The following VMP1 variants were observed in gnomAD, a reference collection of about 807,000 sequenced individuals.
VMP1 encodes the protein ectopic P-granules autophagy protein 3 homolog.
VMP1 carries 11 observed loss-of-function variants against 56.0 expected under a neutral mutation model. The ratio of observed to expected loss-of-function variants is 0.20; its 90% CI spans 0.12 to 0.32. VMP1 has a LOEUF of 0.32. Among genes scored for constraint, VMP1 ranks in the 10% least tolerant of loss-of-function variants. The pLI, the probability that VMP1 is intolerant of heterozygous loss-of-function variation, is 1.00. For missense variants in VMP1, 296 were observed against 490.3 expected (o/e 0.60, Z 3.74); for synonymous variants, 149 against 165.0 (o/e 0.90, Z 0.74).
chr17:59,801,663 G>A (rs1159587169), intron 7 of VMP1, among the ~76,000 whole-genome samples: 1 of 152,124 alleles, frequency 6.6e-6, no homozygotes, highest in African/African-American at 2.4e-5. Flanking sequence ...AGGAGGCCGA[G>A]GCAGCCGGAT....
At chr17:59,733,132 G>A (rs2034895518) in intron 2 of VMP1, among the ~76,000 whole-genome samples, 1 of 152,050 alleles carries the variant, frequency 6.6e-6, no homozygotes, top group Admixed American at 6.6e-5. Flanking sequence ...GCTGCAGTGA[G>A]CTGCGATCAC....
chr17:59,796,535 G>A (rs2037443844), intron 7 of VMP1, among the ~76,000 whole-genome samples: 1 of 152,104 alleles, frequency 6.6e-6, no homozygotes, highest in Admixed American at 6.6e-5. Context: ...TCTGATTTCT[G>A]AAAAAGGTTT....
rs1179269248 is a variant in VMP1, at chr17:59,772,950, C to CTTTTTTTTTTTTTTTTTTTTT, written c.583-794_583-774dup. 9.0e-4 allele frequency among the ~76,000 whole-genome samples: 50 copies of CTTTTTTTTTTTTTTTTTTTTT among 55,718 alleles called. 12 individuals are homozygous for CTTTTTTTTTTTTTTTTTTTTT. Among genetic ancestry groups the CTTTTTTTTTTTTTTTTTTTTT allele is most frequent in the East Asian group, 1.2e-3 (2 of 1,686 alleles). The allele number at this position is 55,718 out of a possible 152,430, so 36.6% of individuals were successfully genotyped here. ...TATCTAACACATATACTGGTGAATT[C>CTTTTTTTTTTTTTTTTTTTTT]TTTTTTTTTTTTTTTTTTTTTTTTT... is the stretch of plus-strand genomic sequence containing the variant. On this transcript the variant is annotated intron_variant, in intron 6 of 11. Transcript: ENST00000262291.
intron 5 of VMP1, among the ~76,000 whole-genome samples, chr17:59,744,642 AAG>A (rs1389702237): frequency 1.3e-5 from 2 of 151,316 alleles, no homozygotes; most frequent in African/African-American, 2.4e-5. Context: ...AAAAAAAAAA[AAG>A]AGAGAGACAG....
intron 7 of VMP1, among the ~76,000 whole-genome samples, chr17:59,807,164 A>G (rs1598422122): frequency 6.7e-6 from 1 of 148,696 alleles, no homozygotes; most frequent in Admixed American, 6.7e-5. Context: ...TCTCCTCTCT[A>G]TGATAGATCT....
intron 7 of VMP1, among the ~76,000 whole-genome samples, chr17:59,793,620 G>A (rs2037317503): frequency 8.7e-6 from 1 of 115,210 alleles, no homozygotes; most frequent in South Asian, 3.0e-4. Flanking sequence ...GCATGTGTGT[G>A]TGTGTTTATT....
At chr17:59,792,001 A>G (rs536052532) in intron 7 of VMP1, among the ~76,000 whole-genome samples, 6 of 152,176 alleles carry the variant, frequency 3.9e-5, no homozygotes, top group Non-Finnish European at 8.8e-5. Context: ...GCCGGGTGCC[A>G]TGGCTCATGC....
At chr17:59,808,698 T>C in intron 7 of VMP1, 98 bp from the exon 8 acceptor site, 1 of 893,056 alleles carries the variant, frequency 1.1e-6, no homozygotes, top group Non-Finnish European at 1.7e-6. Context: ...TATTAATCAG[T>C]GTCATCAGAT....
At chr17:59,731,651 TGGGTCA>T in intron 2 of VMP1, 129 bp downstream of exon 2, 1 of 633,280 alleles carries the variant, frequency 1.6e-6, no homozygotes, top group South Asian at 3.1e-5. Flanking sequence ...AATTAAATTA[TGGGTCA>T]GTCAGGGCCT....
chr17:59,777,402 G>A (rs1463886947), intron 7 of VMP1, among the ~76,000 whole-genome samples: 1 of 151,026 alleles, frequency 6.6e-6, no homozygotes, highest in South Asian at 2.1e-4. Context: ...TCAAGTTTCT[G>A]TAATTGGTAT....
chr17:59,756,081 T>G (rs369349299), intron 5 of VMP1, among the ~76,000 whole-genome samples: 2 of 152,184 alleles, frequency 1.3e-5, no homozygotes, highest in African/African-American at 4.8e-5. Context: ...TGGGACCTTC[T>G]TCACAAAAAG....
Position 59,773,769 on chromosome 17 carries a change from A to G in VMP1, c.598A>G (p.Ile200Val), listed in dbSNP as rs750615982. ...EACMWGIGTA[I>V]GELPPYFMAR... Reference sequence around the variant, plus strand: ...TTTCACCTAGGGTATCGGTACAGCAATCGGAGAGCTGCCTCCATATTTCAT... The same window carrying G: ...TTTCACCTAGGGTATCGGTACAGCAGTCGGAGAGCTGCCTCCATATTTCAT... Residue 200 changes from isoleucine (I) to valine (V), a missense_variant, in exon 7 of 12, where the codon ATC (isoleucine) becomes GTC (valine). Ile to Val is a conservative substitution (Grantham distance 29, BLOSUM62 3). This residue lies in a region of VMP1 where 126 missense variants were observed against 231.6 expected (regional missense o/e 0.54). Coordinates refer to ENST00000262291, the MANE Select transcript of VMP1 (RefSeq NM_030938.5). 5 of 1,607,080 alleles carry G rather than the reference A, an allele frequency of 3.1e-6. No individual in the cohort carries two copies. Among genetic ancestry groups the G allele is most frequent in the Middle Eastern group, 1.7e-4 (1 of 6,050 alleles).
intron 5 of VMP1, among the ~76,000 whole-genome samples, chr17:59,750,334 T>A (rs1351401442): frequency 6.7e-6 from 1 of 150,148 alleles, no homozygotes; most frequent in Non-Finnish European, 1.5e-5. Context: ...AGAGTTTTGC[T>A]CTTGTTGCCC....
chr17:59,784,142 T>TGTGTGTGTGTGTGAGA (rs556387089), intron 7 of VMP1, among the ~76,000 whole-genome samples: 1 of 130,376 alleles, frequency 7.7e-6, no homozygotes, highest in African/African-American at 3.0e-5. Flanking sequence ...TGTGTGTGTG[T>TGTGTGTGTGTGTGAGA]GAGAGAGAGA....
intron 9 of VMP1, among the ~76,000 whole-genome samples, chr17:59,813,151 C>G (rs2038110467): frequency 6.6e-6 from 1 of 152,096 alleles, no homozygotes; most frequent in Non-Finnish European, 1.5e-5. Flanking sequence ...CTCTATTTTC[C>G]TGCCATAATC....
intron 1 of VMP1, among the ~76,000 whole-genome samples, chr17:59,717,227 C>T (rs903900804): frequency 2.0e-5 from 3 of 152,128 alleles, no homozygotes; most frequent in African/African-American, 7.2e-5. Context: ...GCTTCGGCCT[C>T]CCAAAGTGCT....
chr17:59,791,699 A>G (rs926169155), intron 7 of VMP1, among the ~76,000 whole-genome samples: 7 of 149,794 alleles, frequency 4.7e-5, no homozygotes, highest in African/African-American at 7.4e-5. Context: ...CCCGACCTCA[A>G]ATGATCTGCC....
chr17:59,752,305 T>G (rs1336361343), intron 5 of VMP1, among the ~76,000 whole-genome samples: 1 of 152,190 alleles, frequency 6.6e-6, no homozygotes. Context: ...GGTCTGCAGT[T>G]TGTAGTTTGT....
chr17:59,750,521 CGACCTCCT>C (rs2035599589), intron 5 of VMP1, among the ~76,000 whole-genome samples: 2 of 151,948 alleles, frequency 1.3e-5, no homozygotes, highest in African/African-American at 4.8e-5. Flanking sequence ...AGGCTGGCCT[CGACCTCCT>C]GACCTCAGGT....
Sources: allele counts gnomAD v4.1 joint callset (sites outside exome capture counted in the v4.1 genomes callset), GRCh38; gene constraint gnomAD v4.1.1; regional missense constraint gnomAD v4.1.1; transcripts MANE v1.5; gene names NCBI Gene and HGNC (gene_info 2026-07-23, HGNC 2026-07-21).